ASIC2: variants seen among roughly 807,000 people sequenced by gnomAD.
ASIC2 encodes acid-sensing ion channel 2.
In ASIC2, 25 loss-of-function variants were observed where a neutral mutation model predicts 57.3. The observed-to-expected ratio is 0.44, with a 90% CI of 0.32 to 0.61. The LOEUF (loss-of-function observed/expected upper bound fraction) is 0.61. Among genes scored for constraint, ASIC2 ranks in the 20% least tolerant of loss-of-function variants. The probability of loss-of-function intolerance (pLI) is 0.06; values close to 1 mark genes in which losing one functional copy is unlikely to be tolerated. For missense variants in ASIC2, 641 were observed against 738.1 expected, an observed-to-expected ratio of 0.87 and a Z score of 1.52; for synonymous variants, 319 against 307.5, an observed-to-expected ratio of 1.04 and a Z score of -0.39.
intron 1 of ASIC2, among the ~76,000 whole-genome samples, chr17:33,826,876 A>T (rs8067072): frequency 1.1e-4 from 16 of 151,778 alleles, no homozygotes; most frequent in Non-Finnish European, 2.4e-4. Context: ...GATATACTCC[A>T]AGCAATTAGG....
intron 1 of ASIC2, among the ~76,000 whole-genome samples, chr17:33,666,130 G>C (rs1907463854): frequency 2.0e-5 from 3 of 152,090 alleles, no homozygotes; most frequent in Admixed American, 6.5e-5. Flanking sequence ...TAACCAGATT[G>C]TTCTTTCCTG....
chr17:33,873,511 G>T (rs145213497), intron 1 of ASIC2, among the ~76,000 whole-genome samples: 1 of 152,200 alleles, frequency 6.6e-6, no homozygotes, highest in East Asian at 1.9e-4. Context: ...AGAAGGATTT[G>T]GGATCATTCT....
chr17:33,447,731 T>G (rs977851970), intron 1 of ASIC2, among the ~76,000 whole-genome samples: 3 of 152,026 alleles, frequency 2.0e-5, no homozygotes, highest in Non-Finnish European at 4.4e-5. Context: ...TGATATATCT[T>G]GTAGAATCAG....
rs181177602 is a variant in ASIC2 at position 33,234,473 on chromosome 17, T to C, written c.708+56935A>G. On this transcript the variant is annotated intron_variant, in intron 1 of 9. Coordinates refer to ENST00000225823, the MANE Select transcript of ASIC2 (RefSeq NM_183377.2). ...GAGGTGAGTGGTTTCAGAGTGGCCCTCTTCTCTGCCCACAGGCACTCATCT... is the reference window on the plus strand; with the variant it reads ...GAGGTGAGTGGTTTCAGAGTGGCCCCCTTCTCTGCCCACAGGCACTCATCT... 4.6e-5 allele frequency among the ~76,000 whole-genome samples: 7 copies of C among 152,290 alleles called. No individual in the cohort carries two copies. In the East Asian group the frequency reaches 1.4e-3, roughly 29 times the overall value.
chr17:33,356,095 G>A (rs142752173), intron 1 of ASIC2, among the ~76,000 whole-genome samples: 1 of 152,286 alleles, frequency 6.6e-6, no homozygotes, highest in African/African-American at 2.4e-5. Flanking sequence ...AACAGCATGT[G>A]TAAAAGTTAG....
intron 1 of ASIC2, among the ~76,000 whole-genome samples, chr17:33,833,253 T>C (rs1328968732): frequency 2.6e-5 from 4 of 152,320 alleles, no homozygotes; most frequent in East Asian, 1.9e-4. Context: ...GCCAATGTTA[T>C]GTCTGTTTCG....
chr17:33,625,241 T>A (rs1905948657), intron 1 of ASIC2, among the ~76,000 whole-genome samples: 1 of 152,178 alleles, frequency 6.6e-6, no homozygotes, highest in South Asian at 2.1e-4. Flanking sequence ...CTATCTATCA[T>A]GTATCTTTAT....
At chr17:33,315,228 T>C (rs527839089) in intron 1 of ASIC2, among the ~76,000 whole-genome samples, 1 of 152,264 alleles carries the variant, frequency 6.6e-6, no homozygotes, top group South Asian at 2.1e-4. Flanking sequence ...ATTAAACAAA[T>C]AGCTAAAGCA....
chr17:33,231,085 C>T (rs761860424), intron 1 of ASIC2, among the ~76,000 whole-genome samples: 15 of 152,094 alleles, frequency 9.9e-5, no homozygotes, highest in Non-Finnish European at 1.8e-4. Context: ...CCTTAGGGAG[C>T]TGAGCATCGA....
chr17:33,433,046 T>C (rs540981944), intron 1 of ASIC2, among the ~76,000 whole-genome samples: 1 of 152,266 alleles, frequency 6.6e-6, no homozygotes, highest in African/African-American at 2.4e-5. Flanking sequence ...GCAATCCCAT[T>C]ACTGAGTATA....
intron 1 of ASIC2, among the ~76,000 whole-genome samples, chr17:33,134,761 G>T (rs965195871): frequency 6.6e-6 from 1 of 152,194 alleles, no homozygotes; most frequent in African/African-American, 2.4e-5. Context: ...GGCTCCCATG[G>T]CTTGTGGTGT....
chr17:33,775,721 C>T (rs1245207666), intron 1 of ASIC2, among the ~76,000 whole-genome samples: 1 of 152,144 alleles, frequency 6.6e-6, no homozygotes, highest in Admixed American at 6.5e-5. Context: ...CTGTATGATG[C>T]TGCAATTCTT....
At chr17:33,015,499 A>T (rs1239532685) in intron 9 of ASIC2, among the ~76,000 whole-genome samples, 2 of 152,236 alleles carry the variant, frequency 1.3e-5, no homozygotes, top group East Asian at 3.8e-4. Flanking sequence ...GACACGTACC[A>T]GGCATACAAT....
intron 1 of ASIC2, chr17:34,038,537 A>C (rs1421895273): frequency 1.4e-5 from 22 of 1,610,580 alleles, no homozygotes; most frequent in Non-Finnish European, 1.8e-5. Flanking sequence ...TCCTCTACCC[A>C]AAAGATGTAA....
chr17:34,155,980 T>C (rs748396472), exon 1 of ASIC2: 1 of 1,603,058 alleles, frequency 6.2e-7, no homozygotes, highest in Non-Finnish European at 8.5e-7. Context: ...GTACTCACTG[T>C]GGTGAAGTCT....
At chr17:33,258,799 G>C (rs892716574) in intron 1 of ASIC2, among the ~76,000 whole-genome samples, 4 of 152,224 alleles carry the variant, frequency 2.6e-5, no homozygotes, top group African/African-American at 9.6e-5. Context: ...CAGCTGGTAA[G>C]TGGTAGAACA....
At chr17:33,452,970 T>C (rs1383758230) in intron 1 of ASIC2, among the ~76,000 whole-genome samples, 5 of 152,130 alleles carry the variant, frequency 3.3e-5, no homozygotes, top group Admixed American at 2.6e-4. Context: ...ACTCATGAAA[T>C]GACAGGGCCT....
chr17:33,631,008 T>C (rs1351865844), intron 1 of ASIC2, among the ~76,000 whole-genome samples: 1 of 152,130 alleles, frequency 6.6e-6, no homozygotes, highest in Non-Finnish European at 1.5e-5. Flanking sequence ...AATGGAAAAG[T>C]GTGGATAAAA....
At chr17:33,464,499 TC>T (rs1912761131) in intron 1 of ASIC2, among the ~76,000 whole-genome samples, 1 of 39,006 alleles carries the variant, frequency 2.6e-5, no homozygotes, top group Non-Finnish European at 5.5e-5. Flanking sequence ...TTTCTTTCTT[TC>T]TTTCTTTCTT....
Sources: allele counts gnomAD v4.1 joint callset (sites outside exome capture counted in the v4.1 genomes callset), GRCh38; gene constraint gnomAD v4.1.1; transcripts MANE v1.5; gene names NCBI Gene and HGNC (gene_info 2026-07-23, HGNC 2026-07-21).